The following SH3GLB2 variants were observed in gnomAD, a reference collection of about 807,000 sequenced individuals.
SH3GLB2 encodes the protein endophilin-B2.
A neutral mutation model predicts 48.0 loss-of-function variants in SH3GLB2; 24 were observed. The observed-to-expected ratio is 0.50, with a 90% confidence interval of 0.36 to 0.70. SH3GLB2 has a LOEUF of 0.70. Ranked by LOEUF, SH3GLB2 falls within the 30% of genes least tolerant of loss-of-function variation. The probability of loss-of-function intolerance (pLI) is 0.00; values close to 1 mark genes in which losing one functional copy is unlikely to be tolerated. For missense variants in SH3GLB2, 425 were observed against 516.0 expected, an observed-to-expected ratio of 0.82 and a Z score of 1.71; for synonymous variants, 227 against 207.6, an observed-to-expected ratio of 1.09 and a Z score of -0.80.
chr9:129,012,741 G>A, intron 5 of SH3GLB2: 1 of 559,812 alleles, frequency 1.8e-6, no homozygotes, highest in Non-Finnish European at 3.2e-6. Flanking sequence ...TGCATCAAGG[G>A]CCAGGCCCCT....
chr9:129,013,217 AG>A, intron 5 of SH3GLB2: 1 of 607,928 alleles, frequency 1.6e-6, no homozygotes, highest in East Asian at 2.8e-5. Flanking sequence ...GTGGAGCTTG[AG>A]TCCTCTGGAA....
chr9:129,009,983 G>GC (rs1843014802), intron 8 of SH3GLB2, 112 bp from the exon 9 acceptor site: 1 of 1,350,752 alleles, frequency 7.4e-7, no homozygotes, highest in African/African-American at 1.4e-5. Flanking sequence ...AGGGTGCCCT[G>GC]CCCCTGCGCC....
chr9:129,027,463 T>C (rs549665678), intron 1 of SH3GLB2, among the ~76,000 whole-genome samples: 2 of 152,248 alleles, frequency 1.3e-5, no homozygotes, highest in East Asian at 1.9e-4. Flanking sequence ...CCTAAACGGA[T>C]AGGACTTCTT....
chr9:129,027,854 C>A (rs907213132), intron 1 of SH3GLB2, among the ~76,000 whole-genome samples: 2 of 152,260 alleles, frequency 1.3e-5, no homozygotes, highest in Admixed American at 6.5e-5. Flanking sequence ...ACCCAACCAG[C>A]CCAAAGGGTG....
Position 129,028,182 on chromosome 9 carries a change from G to A in SH3GLB2, c.-28C>T. 5.2e-6 allele frequency: 7 copies of A among 1,347,612 alleles called. No individual in the cohort carries two copies. The highest frequency in any genetic ancestry group is 6.7e-6 in the Non-Finnish European group (7 of 1,043,772). 83.5% of individuals were successfully genotyped at this position (1,347,612 alleles called of 1,614,324 possible). A position where few individuals can be genotyped will look rare whatever the true frequency, so the allele number is the denominator to read the frequency against. ...CGTGCCCGCACGGCCGCCGCGCACG[G>A]CCCGAGCGCAGCCGGCAGCCCCCGG... On this transcript the variant is annotated 5_prime_UTR_variant, in exon 1 of 11. Transcript: ENST00000372564.
chr9:129,014,463 TC>T lies in SH3GLB2; in HGVS notation c.508del (p.Asp170MetfsTer7). ...CTTCTTCAGCCTCGCTTTGCAGGCA[TC>T]CAAGTCCAGACGCCGGTTTTGGAGG... The part of the protein sequence containing the change: ...RLLQNRRLDL[D>X]ACKARLKKAK... On this transcript the variant is annotated frameshift_variant, in exon 5 of 11. Coordinates refer to ENST00000372564, the MANE Select transcript of SH3GLB2 (RefSeq NM_020145.4). LOFTEE classifies it high-confidence loss of function. The surrounding 1 kb of genome is among the most constrained non-coding windows in gnomAD (Gnocchi z 4.1). The T allele has an allele frequency of 6.4e-7, 1 of 1,550,860 alleles. No homozygotes were observed. Among genetic ancestry groups the T allele is most frequent in the Non-Finnish European group, 8.7e-7 (1 of 1,147,094 alleles).
In SH3GLB2 at chr9:129,008,503, G is replaced by A. The variant is rs1015968231; in HGVS notation, c.*181C>T. ...AGCCACAGGTCAGAAGCAGGGCTGG[G>A]GGAGGGGTGGAGCCATTCAGCCTCA... On this transcript the variant is annotated 3_prime_UTR_variant, in exon 11 of 11. Coordinates refer to ENST00000372564, the MANE Select transcript of SH3GLB2 (RefSeq NM_020145.4). 15 of 575,122 alleles carry A rather than the reference G, an allele frequency of 2.6e-5. No individual in the cohort carries two copies. The Admixed American group carries it at 3.5e-4, about 13-fold the overall frequency. 35.6% of individuals were successfully genotyped at this position (575,122 alleles called of 1,614,324 possible). A position where few individuals can be genotyped will look rare whatever the true frequency, so the allele number is the denominator to read the frequency against.
At chr9:129,009,634 G>C in intron 9 of SH3GLB2, 137 bp downstream of exon 9, 5 of 1,377,038 alleles carry the variant, frequency 3.6e-6, no homozygotes, top group Non-Finnish European at 4.0e-6. Context: ...TGAGATGCCC[G>C]CACCCAGAGT....
intron 1 of SH3GLB2, among the ~76,000 whole-genome samples, chr9:129,026,462 C>T (rs1336983082): frequency 6.6e-6 from 1 of 152,166 alleles, no homozygotes; most frequent in African/African-American, 2.4e-5. Context: ...TGCTGGAGTC[C>T]GAGGCTGCTC....
intron 3 of SH3GLB2, among the ~76,000 whole-genome samples, chr9:129,017,726 G>A (rs528453314): frequency 3.3e-5 from 5 of 151,086 alleles, no homozygotes; most frequent in East Asian, 1.9e-4. Flanking sequence ...GTGAAATCCC[G>A]TCTCCACTGA....
In SH3GLB2 at chr9:129,021,163, C is replaced by A. The variant is rs765733830; in HGVS notation, c.262G>T (p.Val88Phe). 1.2e-6 allele frequency: 2 copies of A among 1,612,314 alleles called. No individual in the cohort carries two copies. The highest frequency in any genetic ancestry group is 2.2e-5 in the South Asian group (2 of 90,940). ...EKLDRKVPSR[V>F]TNGELLAQYM... ...TGAGCCAGCAGCTCCCCGTTGGTGA[C>A]CCTTGAGGGGACCTTCCTGTCCAGC... The change falls in exon 3 of 11, where the codon GTC becomes TTC. Residue 88 changes from valine to phenylalanine, a missense_variant. Val to Phe is a conservative substitution (Grantham distance 50). Transcript: ENST00000372564.
chr9:129,008,769 G>A lies in SH3GLB2; in HGVS notation c.1103C>T (p.Pro368Leu). ...ADELITVYSL[P>L]GMDPDWLIGE... Reference sequence around the variant, plus strand: ...AATGAGCCAGTCAGGGTCCATGCCAGGCAGGCTGTAGACAGTGATGAGCTG... The same window carrying A: ...AATGAGCCAGTCAGGGTCCATGCCAAGCAGGCTGTAGACAGTGATGAGCTG... The change falls in exon 11 of 11, where the codon CCT becomes CTT. Residue 368 changes from proline to leucine, a missense_variant. Coordinates refer to ENST00000372564, the MANE Select transcript of SH3GLB2 (RefSeq NM_020145.4). The A allele has an allele frequency of 1.2e-6, 2 of 1,614,096 alleles. No individual in the cohort carries two copies. Among genetic ancestry groups the A allele is most frequent in the Non-Finnish European group, 8.5e-7 (1 of 1,179,994 alleles).
chr9:129,021,234 C>G lies in SH3GLB2; in HGVS notation c.206-15G>C, dbSNP rs535771729. 13 of 1,590,684 alleles carry G rather than the reference C, an allele frequency of 8.2e-6. 1 individual carries two copies. The highest frequency in any genetic ancestry group is 4.5e-4 in the Middle Eastern group (2 of 4,454). On this transcript the variant is annotated splice_polypyrimidine_tract_variant and intron_variant, in intron 2 of 10. Transcript: ENST00000372564. ...CACTCGGGCACCTGTGGGGAGACAG[C>G]AGCCAAAGCCACAGGGCTCCTTAGT... is the stretch of plus-strand genomic sequence containing the variant.
intron 1 of SH3GLB2, 147 bp downstream of exon 1, chr9:129,027,945 G>C (rs1276887057): frequency 4.3e-6 from 3 of 702,736 alleles, no homozygotes; most frequent in Non-Finnish European, 6.3e-6. Flanking sequence ...CGGTCAGCAA[G>C]GGCTCAGGGG....
chr9:129,010,498 G>A, intron 7 of SH3GLB2, 172 bp downstream of exon 7: 1 of 740,260 alleles, frequency 1.4e-6, no homozygotes, highest in South Asian at 1.8e-5. Flanking sequence ...GGGTACTGTG[G>A]AGAAAACATT....
Position 129,028,331 on chromosome 9 carries a change from G to T in SH3GLB2, c.-177C>A. The T allele has an allele frequency of 4.1e-6, 1 of 241,568 alleles. No homozygotes were observed. Among genetic ancestry groups the T allele is most frequent in the South Asian group, 1.5e-4 (1 of 6,860 alleles). The allele number at this position is 241,568 out of a possible 1,614,324, so 15.0% of individuals were successfully genotyped here. On this transcript the variant is annotated 5_prime_UTR_variant, in exon 1 of 11. It adds an upstream start codon to the 5' untranslated region. Coordinates refer to ENST00000372564, the MANE Select transcript of SH3GLB2 (RefSeq NM_020145.4). ...GCCGCCGAGCCAGCCCGAGCGCGCAGGGCGGGGCGCGGAGGCCGCGGGTCG... is the reference window on the plus strand; with the variant it reads ...GCCGCCGAGCCAGCCCGAGCGCGCATGGCGGGGCGCGGAGGCCGCGGGTCG...
At chr9:129,009,059 C>A in intron 10 of SH3GLB2, 47 bp downstream of exon 10, 1 of 1,600,076 alleles carries the variant, frequency 6.2e-7, no homozygotes, top group South Asian at 1.1e-5. Context: ...GCCCAGGCTG[C>A]TCCTCACCCA....
In SH3GLB2 at chr9:129,010,272, T is replaced by C. The variant is rs1038678770; in HGVS notation, c.649-63A>G. 235 of 1,422,834 alleles carry C rather than the reference T, an allele frequency of 1.7e-4. No homozygotes were observed. The African/African-American group carries it at 3.1e-3, about 19-fold the overall frequency. The allele number at this position is 1,422,834 out of a possible 1,614,324, so 88.1% of individuals were successfully genotyped here. A position where few individuals can be genotyped will look rare whatever the true frequency, so the allele number is the denominator to read the frequency against. On this transcript the variant is annotated intron_variant, in intron 7 of 10. Coordinates refer to ENST00000372564, the MANE Select transcript of SH3GLB2 (RefSeq NM_020145.4). ...ACCCACCAGCTTCCCCGCAGTCTTC[T>C]CCTGGAGCCTACCTGGGAGCCGCCT...
chr9:129,022,801 TACTCGGG>T (rs1843891365), intron 1 of SH3GLB2, among the ~76,000 whole-genome samples: 1 of 152,128 alleles, frequency 6.6e-6, no homozygotes, highest in Non-Finnish European at 1.5e-5. Flanking sequence ...TGGTAGAAAG[TACTCGGG>T]ACAAACAGGG....
Sources: allele counts gnomAD v4.1 joint callset (sites outside exome capture counted in the v4.1 genomes callset), GRCh38; gene constraint gnomAD v4.1.1; non-coding constraint Gnocchi (gnomAD v3.1); transcripts MANE v1.5; gene names NCBI Gene and HGNC (gene_info 2026-07-23, HGNC 2026-07-21).